The following MAPK10 variants were observed in gnomAD, a reference collection of about 807,000 sequenced individuals.
MAPK10 encodes mitogen-activated protein kinase 10.
MAPK10 carries 25 observed loss-of-function variants against 59.3 expected under a neutral mutation model. The ratio of observed to expected loss-of-function variants is 0.42; its 90% CI spans 0.31 to 0.59. MAPK10 has a LOEUF of 0.59. Among genes scored for constraint, MAPK10 ranks in the 20% least tolerant of loss-of-function variants. The probability of loss-of-function intolerance (pLI) is 0.15; values close to 1 mark genes in which losing one functional copy is unlikely to be tolerated. For synonymous variants in MAPK10, 190 were observed against 200.5 expected (o/e 0.95, Z 0.44); for missense variants, 351 against 568.9 (o/e 0.62, Z 3.90).
intron 2 of MAPK10, among the ~76,000 whole-genome samples, chr4:86,278,421 T>C (rs2094666001): frequency 6.6e-6 from 1 of 152,110 alleles, no homozygotes; most frequent in Non-Finnish European, 1.5e-5. Context: ...GGAACGTTAG[T>C]TATGTGTAGT....
chr4:86,369,770 T>C (rs1432999589), intron 1 of MAPK10, among the ~76,000 whole-genome samples: 1 of 152,220 alleles, frequency 6.6e-6, no homozygotes, highest in Admixed American at 6.5e-5. Flanking sequence ...ATATGCTTTA[T>C]ATGAGTGCAA....
At chr4:86,387,577 T>C (rs981724317) in intron 1 of MAPK10, among the ~76,000 whole-genome samples, 25 of 152,196 alleles carry the variant, frequency 1.6e-4, no homozygotes, top group Non-Finnish European at 2.5e-4. Context: ...TAACTCTTAA[T>C]AGCTGACGCT....
chr4:86,060,288 T>TGCTCCCTCTCCC (rs1427841776), intron 11 of MAPK10, among the ~76,000 whole-genome samples: 2 of 152,332 alleles, frequency 1.3e-5, no homozygotes, highest in Non-Finnish European at 2.9e-5. Context: ...CTCCCTCTCC[T>TGCTCCCTCTCCC]GCTCCCTCTC....
At chr4:86,198,144 T>C (rs545157859) in intron 2 of MAPK10, among the ~76,000 whole-genome samples, 2 of 152,272 alleles carry the variant, frequency 1.3e-5, no homozygotes, top group South Asian at 4.1e-4. Context: ...ACTAGTTTGT[T>C]CCAGACCATC....
At chr4:86,560,937 T>C (rs865938274) in intron 1 of MAPK10, among the ~76,000 whole-genome samples, 3 of 152,206 alleles carry the variant, frequency 2.0e-5, no homozygotes, top group Non-Finnish European at 4.4e-5. Context: ...GCATAGGAAA[T>C]CCTGCTCACA....
At chr4:86,485,067 G>C (rs1478427189) in intron 1 of MAPK10, among the ~76,000 whole-genome samples, 1 of 152,132 alleles carries the variant, frequency 6.6e-6, no homozygotes, top group African/African-American at 2.4e-5. Context: ...TTAGATGCTG[G>C]GAAGCAAGGA....
At chr4:86,514,466 T>C (rs1756509145) in intron 1 of MAPK10, among the ~76,000 whole-genome samples, 1 of 152,186 alleles carries the variant, frequency 6.6e-6, no homozygotes, top group Non-Finnish European at 1.5e-5. Flanking sequence ...TATATTTCCA[T>C]TGCAAAGCCC....
At chr4:86,419,343 G>A (rs893943243) in intron 1 of MAPK10, among the ~76,000 whole-genome samples, 1 of 152,000 alleles carries the variant, frequency 6.6e-6, no homozygotes, top group Non-Finnish European at 1.5e-5. Context: ...TAAATTAAAT[G>A]CCATATATAA....
At chr4:86,297,501 C>T (rs995383134) in intron 2 of MAPK10, among the ~76,000 whole-genome samples, 6 of 152,042 alleles carry the variant, frequency 3.9e-5, no homozygotes, top group East Asian at 1.9e-4. Flanking sequence ...TTAGTAGAGA[C>T]GCGGTTTCAC....
At chr4:86,220,116 C>T (rs1261706470) in intron 2 of MAPK10, among the ~76,000 whole-genome samples, 1 of 152,102 alleles carries the variant, frequency 6.6e-6, no homozygotes, top group Non-Finnish European at 1.5e-5. Context: ...TAGGAGAAAA[C>T]TGTATAAACA....
At chr4:86,428,496 G>A (rs1457132750) in intron 1 of MAPK10, among the ~76,000 whole-genome samples, 1 of 151,968 alleles carries the variant, frequency 6.6e-6, no homozygotes, top group Non-Finnish European at 1.5e-5. Flanking sequence ...TAAAACAGAG[G>A]GGACTTTCCT....
At chr4:86,366,057 A>T (rs1236371113) in intron 1 of MAPK10, among the ~76,000 whole-genome samples, 2 of 152,222 alleles carry the variant, frequency 1.3e-5, no homozygotes, top group Non-Finnish European at 2.9e-5. Flanking sequence ...CAAACTTTAG[A>T]ACATTACATT....
At chr4:86,468,805 G>T (rs1752423818) in intron 1 of MAPK10, among the ~76,000 whole-genome samples, 1 of 152,072 alleles carries the variant, frequency 6.6e-6, no homozygotes, top group South Asian at 2.1e-4. Flanking sequence ...AGTGAGCCAA[G>T]ATCATGCCAC....
upstream of MAPK10, among the ~76,000 whole-genome samples, chr4:86,364,750 G>A (rs770622873): frequency 6.6e-6 from 1 of 152,154 alleles, no homozygotes; most frequent in Non-Finnish European, 1.5e-5. Context: ...GGAGGCTGAG[G>A]CGGGTGGATC....
At chr4:86,288,963 A>C (rs1379773698) in intron 2 of MAPK10, among the ~76,000 whole-genome samples, 1 of 152,090 alleles carries the variant, frequency 6.6e-6, no homozygotes, top group Non-Finnish European at 1.5e-5. Flanking sequence ...TAAATAGGCA[A>C]CAGAAAGATA....
At chr4:86,548,407 A>G (rs1343271579) in intron 1 of MAPK10, among the ~76,000 whole-genome samples, 1 of 152,190 alleles carries the variant, frequency 6.6e-6, no homozygotes, top group African/African-American at 2.4e-5. Context: ...TCATTCCTGA[A>G]GTCAGTGAGA....
intron 1 of MAPK10, among the ~76,000 whole-genome samples, chr4:86,509,158 T>TA (rs1449969698): frequency 3.3e-5 from 5 of 152,226 alleles, no homozygotes; most frequent in African/African-American, 1.2e-4. Context: ...AGGATAAGGA[T>TA]AAAAATCTTA....
chr4:86,043,525 T>C (rs2041971564), intron 11 of MAPK10, among the ~76,000 whole-genome samples: 1 of 152,276 alleles, frequency 6.6e-6, no homozygotes, highest in African/African-American at 2.4e-5. Context: ...AAGCTATAAG[T>C]CATACTTCCA....
intron 1 of MAPK10, among the ~76,000 whole-genome samples, chr4:86,416,673 A>G (rs966912538): frequency 6.6e-6 from 1 of 152,226 alleles, no homozygotes; most frequent in Non-Finnish European, 1.5e-5. Flanking sequence ...CACCTTCCTC[A>G]TTTGAATTGC....
Sources: gnomAD v4.1 joint callset for allele counts (sites outside exome capture counted in the v4.1 genomes callset) on GRCh38, gnomAD v4.1.1 for gene constraint, MANE v1.5 for transcripts, NCBI Gene and HGNC (gene_info 2026-07-23, HGNC 2026-07-21) for gene names.